The following RTN1 variants were observed in gnomAD, a reference collection of about 807,000 sequenced individuals.
RTN1 encodes reticulon-1.
In RTN1, 25 loss-of-function variants were observed where a neutral mutation model predicts 65.5. That is an observed-to-expected ratio of 0.38 (90% CI 0.28 to 0.53). The LOEUF is 0.53. Among genes scored for constraint, RTN1 ranks in the 20% least tolerant of loss-of-function variants. The pLI is 0.79. For missense variants in RTN1, 983 were observed against 1,025.4 expected, an observed-to-expected ratio of 0.96 and a Z score of 0.57; for synonymous variants, 471 against 447.6, an observed-to-expected ratio of 1.05 and a Z score of -0.66.
chr14:59,612,962 T>A (rs1334838440), intron 3 of RTN1, among the ~76,000 whole-genome samples: 1 of 152,240 alleles, frequency 6.6e-6, no homozygotes, highest in Non-Finnish European at 1.5e-5. Flanking sequence ...CGGGGTTCAA[T>A]TGTTGGCTTC....
chr14:59,819,538 C>T lies in RTN1; in HGVS notation c.241+50852G>A, dbSNP rs61987491. Among the ~76,000 whole-genome samples, 584 of 151,276 alleles carry T rather than the reference C, an allele frequency of 3.9e-3. 2 individuals carry two copies. The highest frequency in any genetic ancestry group is 6.0e-3 in the Non-Finnish European group (406 of 67,826). ...AACTCTGGAGCCTAGCTGGCTTCCT[C>T]TAGTGGCTCACCTGCCAGGGCCGTG... On this transcript the variant is annotated intron_variant, in intron 1 of 8. Coordinates refer to ENST00000267484, the MANE Select transcript of RTN1 (RefSeq NM_021136.3).
At chr14:59,860,863 C>G (rs1410695708) in intron 1 of RTN1, among the ~76,000 whole-genome samples, 2 of 152,168 alleles carry the variant, frequency 1.3e-5, no homozygotes, top group African/African-American at 2.4e-5. Context: ...ACTGTAGCCC[C>G]TTTGTTTTGG....
rs183377049 is a variant in RTN1 at position 59,758,387 on chromosome 14, C to T, written c.242-11906G>A. On this transcript the variant is annotated intron_variant, in intron 1 of 8. Coordinates refer to ENST00000267484, the MANE Select transcript of RTN1 (RefSeq NM_021136.3). ...CATCCCTTGGCTTAGAATTCAGGATCCTCTTCAGCAGGGTCCCAGCCTGCC... is the reference window on the plus strand; with the variant it reads ...CATCCCTTGGCTTAGAATTCAGGATTCTCTTCAGCAGGGTCCCAGCCTGCC... Among the ~76,000 whole-genome samples the T allele has an allele frequency of 3.2e-3, 482 of 152,268 alleles. 4 individuals are homozygous for T. Among genetic ancestry groups the T allele is most frequent in the Middle Eastern group, 0.014 (4 of 292 alleles).
chr14:59,839,567 T>A (rs1241990861), intron 1 of RTN1, among the ~76,000 whole-genome samples: 3 of 152,178 alleles, frequency 2.0e-5, no homozygotes, highest in Non-Finnish European at 1.5e-5. Context: ...TCTACTTGTT[T>A]TAGTTTGAGA....
chr14:59,762,730 T>C (rs533841574), intron 1 of RTN1, among the ~76,000 whole-genome samples: 7 of 152,358 alleles, frequency 4.6e-5, no homozygotes, highest in Non-Finnish European at 1.0e-4. Context: ...TCATCTCTTA[T>C]AAAAATTGTT....
At position 59,601,659 on chromosome 14, in the gene RTN1, A is replaced by G. The variant is rs374090060; in HGVS notation, c.2288+1406T>C. ...TGGACAACTTAGGTCTAGAACTTCT[A>G]TCTTCCAGTTTCCAAACTCCTATTC... On this transcript the variant is annotated intron_variant, in intron 8 of 8. Coordinates refer to ENST00000267484, the MANE Select transcript of RTN1 (RefSeq NM_021136.3). 1.3e-4 allele frequency among the ~76,000 whole-genome samples: 20 copies of G among 152,296 alleles called. 3 individuals are homozygous for G. The highest frequency in any genetic ancestry group is 7.2e-4 in the Admixed American group (11 of 15,296).
chr14:59,749,400 A>ATC (rs1250415995), intron 1 of RTN1, among the ~76,000 whole-genome samples: 1 of 35,584 alleles, frequency 2.8e-5, no homozygotes, highest in Non-Finnish European at 4.1e-5. Flanking sequence ...ATATCTATAT[A>ATC]TATCTATATC....
At chr14:59,731,581 A>G (rs1466018335) in intron 2 of RTN1, among the ~76,000 whole-genome samples, 1 of 152,178 alleles carries the variant, frequency 6.6e-6, no homozygotes, top group Non-Finnish European at 1.5e-5. Flanking sequence ...TAATGCTTTT[A>G]TTATGTTAAG....
intron 1 of RTN1, among the ~76,000 whole-genome samples, chr14:59,802,866 G>A (rs943693337): frequency 5.3e-5 from 8 of 152,058 alleles, no homozygotes; most frequent in African/African-American, 1.9e-4. Flanking sequence ...GCCAGAGCCA[G>A]GCCAGGTACC....
At chr14:59,826,024 T>C (rs2139634390) in intron 1 of RTN1, among the ~76,000 whole-genome samples, 1 of 152,262 alleles carries the variant, frequency 6.6e-6, no homozygotes, top group South Asian at 2.1e-4. Flanking sequence ...AATACTTACA[T>C]TTCCCCAACA....
intron 1 of RTN1, among the ~76,000 whole-genome samples, chr14:59,831,032 T>C (rs1887115806): frequency 6.6e-6 from 1 of 152,146 alleles, no homozygotes; most frequent in African/African-American, 2.4e-5. Context: ...AAGGTATCAG[T>C]TATGAGTCAA....
At chr14:59,744,534 C>A (rs1326469434) in intron 2 of RTN1, among the ~76,000 whole-genome samples, 1 of 152,008 alleles carries the variant, frequency 6.6e-6, no homozygotes. Context: ...AGAGAATGTT[C>A]AAGTTAAAAA....
chr14:59,723,422 T>A (rs534745235), intron 3 of RTN1, among the ~76,000 whole-genome samples: 1 of 150,816 alleles, frequency 6.6e-6, no homozygotes, highest in Non-Finnish European at 1.5e-5. Flanking sequence ...CTGGCTAACA[T>A]GGTGAAACCC....
intron 1 of RTN1, among the ~76,000 whole-genome samples, chr14:59,823,782 G>C (rs1342800002): frequency 6.6e-6 from 1 of 152,072 alleles, no homozygotes; most frequent in Admixed American, 6.5e-5. Context: ...TATTTCACAG[G>C]GGTTCTCTGA....
intron 3 of RTN1, among the ~76,000 whole-genome samples, chr14:59,608,081 A>T (rs982928787): frequency 2.6e-5 from 4 of 152,188 alleles, no homozygotes; most frequent in African/African-American, 9.7e-5. Context: ...AAAAAATTAC[A>T]TGCAAAAGAG....
chr14:59,797,777 T>C (rs903826875), intron 1 of RTN1, among the ~76,000 whole-genome samples: 1 of 152,198 alleles, frequency 6.6e-6, no homozygotes, highest in African/African-American at 2.4e-5. Context: ...GGTTTCATTA[T>C]TTTGCCTAGC....
At chr14:59,668,496 A>C (rs1883430134) in intron 3 of RTN1, among the ~76,000 whole-genome samples, 2 of 152,364 alleles carry the variant, frequency 1.3e-5, no homozygotes, top group South Asian at 2.1e-4. Context: ...AAACCATAAA[A>C]ACCCTAGAAG....
chr14:59,749,434 ATATC>A (rs1322256034), intron 1 of RTN1, among the ~76,000 whole-genome samples: 1 of 102,472 alleles, frequency 9.8e-6, no homozygotes, highest in Non-Finnish European at 1.7e-5. Context: ...ATATCTATAT[ATATC>A]TATATCTATA....
chr14:59,665,903 T>C (rs866431921), intron 3 of RTN1, among the ~76,000 whole-genome samples: 18 of 152,284 alleles, frequency 1.2e-4, no homozygotes, highest in South Asian at 1.0e-3. Flanking sequence ...ATCCTAAATA[T>C]ATATGCACCA....
Sources: allele counts gnomAD v4.1 joint callset (sites outside exome capture counted in the v4.1 genomes callset), GRCh38; gene constraint gnomAD v4.1.1; transcripts MANE v1.5; gene names NCBI Gene and HGNC (gene_info 2026-07-23, HGNC 2026-07-21).